Variants in BCKDHB observed in about 807,000 individuals in gnomAD.
BCKDHB encodes the protein 2-oxoisovalerate dehydrogenase subunit beta, mitochondrial.
In BCKDHB, 41 loss-of-function variants were observed where a neutral mutation model predicts 48.5. The ratio of observed to expected loss-of-function variants is 0.85; its 90% confidence interval spans 0.66 to 1.10. The LOEUF (loss-of-function observed/expected upper bound fraction) is 1.10, where lower values mean the gene tolerates loss of function less well. Among genes scored for constraint, BCKDHB ranks in the 50% least tolerant of loss-of-function variants. The pLI is 0.00. For missense variants in BCKDHB, 496 were observed against 494.2 expected, an observed-to-expected ratio of 1.00 and a Z score of -0.03; for synonymous variants, 201 against 174.8, an observed-to-expected ratio of 1.15 and a Z score of -1.18.
Position 80,186,186 on chromosome 6 carries a change from A to G in BCKDHB, c.743-14748A>G, listed in dbSNP as rs148958071. Among the ~76,000 whole-genome samples, 265 of 152,288 alleles carry G rather than the reference A, an allele frequency of 1.7e-3. 1 individual carries two copies. Among genetic ancestry groups the G allele is most frequent in the African/African-American group, 6.0e-3 (251 of 41,560 alleles). The stretch of plus-strand genomic sequence containing the variant: ...CTCAAGGGTTTATGTATTTTGGCTC[A>G]GGCTACCAGGGTGGGTAGTGAAAAA... On this transcript the variant is annotated intron_variant, in intron 6 of 9. Transcript: ENST00000320393.
At chr6:80,133,057 A>G (rs1218656250) in intron 3 of BCKDHB, among the ~76,000 whole-genome samples, 1 of 152,184 alleles carries the variant, frequency 6.6e-6, no homozygotes, top group Non-Finnish European at 1.5e-5. Context: ...TGACATAGCA[A>G]AGAAAACCCT....
chr6:80,178,614 G>A (rs1216173275), intron 6 of BCKDHB, among the ~76,000 whole-genome samples: 2 of 152,154 alleles, frequency 1.3e-5, no homozygotes, highest in Non-Finnish European at 2.9e-5. Flanking sequence ...TGTGCTAGAC[G>A]CTGGGCTATC....
intron 9 of BCKDHB, among the ~76,000 whole-genome samples, chr6:80,283,027 A>G (rs1183932672): frequency 6.6e-6 from 1 of 152,106 alleles, no homozygotes; most frequent in Non-Finnish European, 1.5e-5. Flanking sequence ...CTTACTCAGA[A>G]TTGTCATGTG....
At chr6:80,392,118 G>A in the BCKDHB span, among the ~76,000 whole-genome samples, 4 of 152,054 alleles carry the variant, frequency 2.6e-5, no homozygotes, top group African/African-American at 9.6e-5. Context: ...TCAGCCTCCT[G>A]GGTAGCTGGG....
At chr6:80,429,424 C>A in the BCKDHB span, among the ~76,000 whole-genome samples, 1 of 152,102 alleles carries the variant, frequency 6.6e-6, no homozygotes, top group South Asian at 2.1e-4. Flanking sequence ...TCAATGGTAG[C>A]TTGATTGGAA....
chr6:80,333,359 G>A (rs1769418092), intron 9 of BCKDHB, among the ~76,000 whole-genome samples: 1 of 152,074 alleles, frequency 6.6e-6, no homozygotes. Flanking sequence ...TATATAAACA[G>A]CTATTTTTAT....
At chr6:80,464,237 C>T in the BCKDHB span, among the ~76,000 whole-genome samples, 1 of 152,112 alleles carries the variant, frequency 6.6e-6, no homozygotes, top group Non-Finnish European at 1.5e-5. Context: ...AAGTGATTCT[C>T]CTGCCTCGGC....
chr6:80,410,296 G>A, the BCKDHB span, among the ~76,000 whole-genome samples: 1 of 152,060 alleles, frequency 6.6e-6, no homozygotes, highest in African/African-American at 2.4e-5. Context: ...CTTGCTTATC[G>A]GGTTTCTGCT....
intron 9 of BCKDHB, among the ~76,000 whole-genome samples, chr6:80,278,330 T>C (rs1778050710): frequency 6.6e-6 from 1 of 152,200 alleles, no homozygotes; most frequent in South Asian, 2.1e-4. Flanking sequence ...ATTTTAAAAC[T>C]GTAGTTTCTT....
chr6:80,353,877 ATAGT>A, the BCKDHB span, among the ~76,000 whole-genome samples: 31,135 of 152,024 alleles, frequency 0.2, 3,671 homozygotes, highest in South Asian at 0.37. Context: ...AAGTAAAATA[ATAGT>A]AGCCATTCTG....
At chr6:80,375,570 T>C in the BCKDHB span, among the ~76,000 whole-genome samples, 1 of 152,188 alleles carries the variant, frequency 6.6e-6, no homozygotes, top group African/African-American at 2.4e-5. Context: ...ATCATTTTTT[T>C]TTTTCATTAA....
intron 8 of BCKDHB, among the ~76,000 whole-genome samples, chr6:80,259,289 T>C (rs1448454325): frequency 1.3e-5 from 2 of 152,220 alleles, no homozygotes; most frequent in East Asian, 1.9e-4. Context: ...TGCAATATTA[T>C]GGTTTCAGTG....
chr6:80,206,041 AC>A (rs1385734052), intron 8 of BCKDHB, among the ~76,000 whole-genome samples: 12 of 152,184 alleles, frequency 7.9e-5, no homozygotes, highest in African/African-American at 2.9e-4. Flanking sequence ...TTAAACACAT[AC>A]TTGACCTTTT....
chr6:80,275,931 T>C (rs1777952586), intron 9 of BCKDHB, among the ~76,000 whole-genome samples: 2 of 151,962 alleles, frequency 1.3e-5, no homozygotes, highest in African/African-American at 4.8e-5. Flanking sequence ...TATTTCTCTA[T>C]TTCTTTTTTG....
intron 6 of BCKDHB, among the ~76,000 whole-genome samples, chr6:80,193,115 C>T (rs1773974937): frequency 6.6e-6 from 1 of 152,024 alleles, no homozygotes; most frequent in Non-Finnish European, 1.5e-5. Flanking sequence ...ACCCACTGCA[C>T]CCAGCAAATA....
the BCKDHB span, among the ~76,000 whole-genome samples, chr6:80,359,882 G>A: frequency 1.4e-4 from 21 of 152,222 alleles, no homozygotes; most frequent in African/African-American, 2.4e-4. Context: ...GAGCCACTGC[G>A]CCTGGCCAAC....
At chr6:80,248,188 A>T (rs2127929175) in intron 8 of BCKDHB, among the ~76,000 whole-genome samples, 1 of 152,222 alleles carries the variant, frequency 6.6e-6, no homozygotes, top group Admixed American at 6.5e-5. Context: ...AATTGAAGCA[A>T]ATTTTTCTCA....
the BCKDHB span, among the ~76,000 whole-genome samples, chr6:80,365,421 C>A: frequency 3.5e-3 from 532 of 152,126 alleles, 4 homozygotes; most frequent in Admixed American, 5.1e-3. Flanking sequence ...GGTCTCCCCC[C>A]AGGAATGCAT....
intron 8 of BCKDHB, among the ~76,000 whole-genome samples, chr6:80,267,156 C>G (rs534768152): frequency 6.6e-6 from 1 of 152,152 alleles, no homozygotes; most frequent in East Asian, 1.9e-4. Context: ...GTAAGAGTTT[C>G]TGTCTTCAAA....
Sources: gnomAD v4.1 joint callset for allele counts (sites outside exome capture counted in the v4.1 genomes callset) on GRCh38, gnomAD v4.1.1 for gene constraint, MANE v1.5 for transcripts, NCBI Gene and HGNC (gene_info 2026-07-23, HGNC 2026-07-21) for gene names.